The following FHOD3 variants were observed in gnomAD, a reference collection of about 807,000 sequenced individuals.
FHOD3 encodes the protein FH1/FH2 domain-containing protein 3.
In FHOD3, 90 loss-of-function variants were observed where a neutral mutation model predicts 173.0. That is an observed-to-expected ratio of 0.52 (90% confidence interval 0.44 to 0.62). The LOEUF (loss-of-function observed/expected upper bound fraction) is 0.62, where lower values mean the gene tolerates loss of function less well. Ranked by LOEUF, FHOD3 falls within the 20% of genes least tolerant of loss-of-function variation. FHOD3 has a pLI of 0.00. For missense variants in FHOD3, 1,945 were observed against 2,034.7 expected, an observed-to-expected ratio of 0.96 and a Z score of 0.85; for synonymous variants, 828 against 823.0, an observed-to-expected ratio of 1.01 and a Z score of -0.10.
chr18:36,597,371 A>T (rs2030622786), intron 7 of FHOD3, among the ~76,000 whole-genome samples: 1 of 152,140 alleles, frequency 6.6e-6, no homozygotes, highest in South Asian at 2.1e-4. Context: ...TAATAATAAT[A>T]ATAATAAAAA....
chr18:36,593,226 A>T (rs2059286248), intron 6 of FHOD3, among the ~76,000 whole-genome samples: 1 of 152,226 alleles, frequency 6.6e-6, no homozygotes, highest in African/African-American at 2.4e-5. Flanking sequence ...CTGGACAAGT[A>T]ATCCCAGTGG....
chr18:36,496,920 C>T (rs1336262520), intron 3 of FHOD3, among the ~76,000 whole-genome samples: 1 of 152,068 alleles, frequency 6.6e-6, no homozygotes, highest in Non-Finnish European at 1.5e-5. Context: ...GTGCTTTATA[C>T]CATAGGGAAT....
At chr18:36,707,835 T>C (rs1286387253) in intron 17 of FHOD3, among the ~76,000 whole-genome samples, 1 of 152,168 alleles carries the variant, frequency 6.6e-6, no homozygotes, top group Non-Finnish European at 1.5e-5. Context: ...GCGTAGACCC[T>C]GCCAGAATTT....
chr18:36,601,518 T>C (rs144218025), intron 7 of FHOD3, among the ~76,000 whole-genome samples: 1 of 152,274 alleles, frequency 6.6e-6, no homozygotes, highest in East Asian at 1.9e-4. Context: ...GCATGTACTA[T>C]ATGCCAGGCA....
chr18:36,706,503 A>G (rs574387168), intron 17 of FHOD3, among the ~76,000 whole-genome samples: 1 of 152,356 alleles, frequency 6.6e-6, no homozygotes, highest in Non-Finnish European at 1.5e-5. Flanking sequence ...CCTCCCCCAC[A>G]AGAGTGTGGC....
chr18:36,675,553 G>A (rs2037800447), intron 14 of FHOD3, among the ~76,000 whole-genome samples: 1 of 152,134 alleles, frequency 6.6e-6, no homozygotes, highest in Admixed American at 6.5e-5. Flanking sequence ...CTATGCCACT[G>A]GATAGCCTGC....
chr18:36,430,182 C>G (rs796266104), intron 3 of FHOD3, among the ~76,000 whole-genome samples: 2 of 152,182 alleles, frequency 1.3e-5, no homozygotes, highest in Non-Finnish European at 2.9e-5. Context: ...TGTGCATGAT[C>G]TCCATTTGCC....
chr18:36,649,412 A>G lies in FHOD3; in HGVS notation c.1286+7A>G, dbSNP rs772190143. ...CCTGTCAGGGCAAGGACAGGTACCT[A>G]GGACTGGAGCCTCCCAAGCTCACAC... On this transcript the variant is annotated splice_region_variant and intron_variant, in intron 11 of 28. Coordinates refer to ENST00000590592, the MANE Select transcript of FHOD3 (RefSeq NM_001281740.3). The G allele has an allele frequency of 6.5e-7, 1 of 1,533,596 alleles. No homozygotes were observed. Among genetic ancestry groups the G allele is most frequent in the Non-Finnish European group, 8.7e-7 (1 of 1,145,246 alleles). 95.0% of individuals were successfully genotyped at this position (1,533,596 alleles called of 1,614,324 possible). A position where few individuals can be genotyped will look rare whatever the true frequency, so the allele number is the denominator to read the frequency against.
intron 23 of FHOD3, among the ~76,000 whole-genome samples, 172 bp from the exon 24 acceptor site, chr18:36,746,773 C>T (rs576819957): frequency 6.6e-6 from 1 of 152,234 alleles, no homozygotes; most frequent in South Asian, 2.1e-4. Flanking sequence ...AATGTGATGT[C>T]AAGATAATGA....
rs759341766 is a variant in FHOD3, at chr18:36,755,276, G to C, written c.4390G>C (p.Glu1464Gln). 1.2e-6 allele frequency: 2 copies of C among 1,609,630 alleles called. No individual in the cohort carries two copies. The highest frequency in any genetic ancestry group is 1.7e-6 in the Non-Finnish European group (2 of 1,177,754). Reference protein sequence around the residue: ...QQKQKRANHRERNKTRGKMIT... With the variant: ...QQKQKRANHRQRNKTRGKMIT... ...GAAACAGAAACGGGCCAACCACAGA[G>C]AGAGAAATAAGACCAGAGGGAAGAT... Residue 1464 changes from glutamate to glutamine, a missense_variant, in exon 25 of 29, where the codon GAG becomes CAG. This residue lies in a region of FHOD3 where 354 missense variants were observed against 359.9 expected (regional missense o/e 0.98). Coordinates refer to ENST00000590592, the MANE Select transcript of FHOD3 (RefSeq NM_001281740.3).
intron 5 of FHOD3, among the ~76,000 whole-genome samples, chr18:36,539,309 T>G (rs1416670706): frequency 1.3e-5 from 2 of 152,224 alleles, no homozygotes. Flanking sequence ...GTAGGGGAAC[T>G]TGGGCAAGAT....
intron 4 of FHOD3, 42 bp downstream of exon 4, chr18:36,502,041 C>G (rs766802248): frequency 7.3e-7 from 1 of 1,366,572 alleles, no homozygotes; most frequent in Admixed American, 1.9e-5. Flanking sequence ...TTTTACATTG[C>G]TGTGAAATTA....
intron 5 of FHOD3, among the ~76,000 whole-genome samples, chr18:36,534,663 G>A (rs2056921821): frequency 1.3e-5 from 2 of 152,078 alleles, no homozygotes; most frequent in African/African-American, 4.8e-5. Flanking sequence ...CCCAGCATCT[G>A]CCTATGTAAT....
chr18:36,464,705 C>T (rs2052797840), intron 3 of FHOD3, among the ~76,000 whole-genome samples: 1 of 151,834 alleles, frequency 6.6e-6, no homozygotes. Flanking sequence ...CAGGCTGGGT[C>T]CTTAGGAGGG....
At chr18:36,401,373 C>A (rs1598975055) in intron 3 of FHOD3, among the ~76,000 whole-genome samples, 1 of 152,236 alleles carries the variant, frequency 6.6e-6, no homozygotes, top group Non-Finnish European at 1.5e-5. Flanking sequence ...CCTTCCCAGC[C>A]TTCAGAACAG....
At chr18:36,457,300 C>T (rs1053551840) in intron 3 of FHOD3, among the ~76,000 whole-genome samples, 10 of 152,032 alleles carry the variant, frequency 6.6e-5, no homozygotes, top group Admixed American at 1.3e-4. Context: ...TATGCTGAAG[C>T]GCAGCTGGGC....
At chr18:36,682,848 G>A (rs1033645205) in intron 15 of FHOD3, among the ~76,000 whole-genome samples, 2 of 152,148 alleles carry the variant, frequency 1.3e-5, no homozygotes, top group African/African-American at 4.8e-5. Context: ...CAAAGTGCTG[G>A]GATTACAGGC....
At chr18:36,675,364 A>C (rs2149351087) in intron 14 of FHOD3, among the ~76,000 whole-genome samples, 1 of 149,848 alleles carries the variant, frequency 6.7e-6, no homozygotes, top group African/African-American at 2.5e-5. Flanking sequence ...TTTTCTCCCT[A>C]CAACTTTGGC....
At chr18:36,481,223 C>G (rs1200189073) in intron 3 of FHOD3, among the ~76,000 whole-genome samples, 1 of 151,974 alleles carries the variant, frequency 6.6e-6, no homozygotes, top group Non-Finnish European at 1.5e-5. Flanking sequence ...CTTTGCATCT[C>G]TTTTCTTAGT....
Sources: allele counts gnomAD v4.1 joint callset (sites outside exome capture counted in the v4.1 genomes callset), GRCh38; gene constraint gnomAD v4.1.1; regional missense constraint gnomAD v4.1.1; transcripts MANE v1.5; gene names NCBI Gene and HGNC (gene_info 2026-07-23, HGNC 2026-07-21).